The following SLC6A5 variants were observed in gnomAD, a reference collection of about 807,000 sequenced individuals.
The protein encoded by SLC6A5 is sodium- and chloride-dependent glycine transporter 2.
A neutral mutation model predicts 90.5 loss-of-function variants in SLC6A5; 58 were observed. That is an observed-to-expected ratio of 0.64 (90% CI 0.52 to 0.80). SLC6A5 has a LOEUF of 0.80. Ranked by LOEUF, SLC6A5 falls within the 30% of genes least tolerant of loss-of-function variation. The pLI, the probability that SLC6A5 is intolerant of heterozygous loss-of-function variation, is 0.00. For synonymous variants in SLC6A5, 427 were observed against 401.4 expected, an observed-to-expected ratio of 1.06 and a Z score of -0.76; for missense variants, 1,015 against 1,017.6, an observed-to-expected ratio of 1.00 and a Z score of 0.03.
At chr11:20,651,599 T>A (rs1358659236) in intron 14 of SLC6A5, among the ~76,000 whole-genome samples, 2 of 151,328 alleles carry the variant, frequency 1.3e-5, no homozygotes, top group African/African-American at 4.9e-5. Context: ...AGCAAAAGCT[T>A]GATTATTACC....
chr11:20,607,387 G>T (rs1343802883), intron 4 of SLC6A5, 92 bp from the exon 5 acceptor site: 13 of 1,422,400 alleles, frequency 9.1e-6, no homozygotes, highest in Middle Eastern at 1.8e-4. Context: ...CTGTACAAGA[G>T]AGCCTAGACC....
intron 6 of SLC6A5, among the ~76,000 whole-genome samples, chr11:20,615,339 G>A (rs1161731062): frequency 6.6e-6 from 1 of 152,088 alleles, no homozygotes; most frequent in Non-Finnish European, 1.5e-5. Flanking sequence ...ATTTAGTGAA[G>A]TTCATAAAAT....
At position 20,652,337 on chromosome 11, in the gene SLC6A5, T is replaced by A; in HGVS notation, c.2119T>A (p.Ser707Thr). 1 of 1,614,162 alleles carries A rather than the reference T, an allele frequency of 6.2e-7. No individual in the cohort carries two copies. Among genetic ancestry groups the A allele is most frequent in the Non-Finnish European group, 8.5e-7 (1 of 1,180,012 alleles). The change falls in exon 15 of 16, where the codon TCT becomes ACT. Residue 707 changes from serine (S) to threonine (T), a missense_variant. Physicochemically the swap from Ser to Thr is moderately conservative, Grantham distance 58. Around this residue, in one of 3 missense-constraint regions of SLC6A5, gnomAD observed 442 missense variants for 494.3 expected, o/e 0.89. Transcript: ENST00000525748. ...CCAGTGGGAGCCCATGACCTATGGC[T>A]CTTACCGCTATCCTAACTGGTCCAT... is the stretch of plus-strand genomic sequence containing the variant. ...FYQWEPMTYGSYRYPNWSMVL... is the reference protein window; with the variant it reads ...FYQWEPMTYGTYRYPNWSMVL...
chr11:20,648,037 C>T (rs1451354771), intron 14 of SLC6A5, among the ~76,000 whole-genome samples: 1 of 152,164 alleles, frequency 6.6e-6, no homozygotes, highest in African/African-American at 2.4e-5. Flanking sequence ...CTATAAGCTG[C>T]CAGCTTTGCC....
chr11:20,639,473 T>C (rs1026364668), intron 13 of SLC6A5, among the ~76,000 whole-genome samples: 5 of 152,164 alleles, frequency 3.3e-5, no homozygotes, highest in African/African-American at 1.2e-4. Flanking sequence ...TTATTTGGAA[T>C]GCAGGATATG....
rs1853095962 is a variant in SLC6A5 at position 20,630,822 on chromosome 11, G to A, written c.1624+7G>A. 6.2e-7 allele frequency: 1 copy of A among 1,614,124 alleles called. No homozygotes were observed. The highest frequency in any genetic ancestry group is 8.5e-7 in the Non-Finnish European group (1 of 1,179,942). ...GAGAATGTGGCAGACCAAGGTACAGGACAGTTGTTACCCTGCTGTTGCAGG... is the reference window on the plus strand; with the variant it reads ...GAGAATGTGGCAGACCAAGGTACAGAACAGTTGTTACCCTGCTGTTGCAGG... On this transcript the variant is annotated splice_region_variant and intron_variant, in intron 10 of 15. Transcript: ENST00000525748.
chr11:20,627,287 C>A (rs1024328728), intron 8 of SLC6A5, among the ~76,000 whole-genome samples: 22 of 152,320 alleles, frequency 1.4e-4, no homozygotes, highest in Admixed American at 2.0e-4. Context: ...AGGGCCAGCA[C>A]AAGCTGAACT....
intron 2 of SLC6A5, among the ~76,000 whole-genome samples, chr11:20,603,283 C>A (rs1253245289): frequency 6.6e-6 from 1 of 152,136 alleles, no homozygotes; most frequent in Non-Finnish European, 1.5e-5. Context: ...GTCTAGGTGT[C>A]CTGAACATTT....
rs1380633510 is a variant in SLC6A5 at position 20,637,181 on chromosome 11, A to G, written c.1747A>G (p.Ile583Val). ...CCTGACACGGTTCCAGTTTGCCACC[A>G]TCGAGACCATAGTGACCTCCATCTC... ...TLGLDTMFAT[I>V]ETIVTSISDE... is the part of the protein sequence containing the mutation. Residue 583 changes from isoleucine (I) to valine (V), a missense_variant, in exon 12 of 16, where the codon ATC becomes GTC. Physicochemically the swap from Ile to Val is conservative, Grantham distance 29. Around this residue, in one of 3 missense-constraint regions of SLC6A5, gnomAD observed 442 missense variants for 494.3 expected, o/e 0.89. Transcript: ENST00000525748. 2.5e-6 allele frequency: 4 copies of G among 1,613,914 alleles called. No individual in the cohort carries two copies. The highest frequency in any genetic ancestry group is 3.4e-6 in the Non-Finnish European group (4 of 1,179,960).
At chr11:20,616,420 C>A (rs753731435) in intron 6 of SLC6A5, among the ~76,000 whole-genome samples, 82 of 152,172 alleles carry the variant, frequency 5.4e-4, no homozygotes, top group Non-Finnish European at 1.1e-3. Context: ...GATTTGCAAA[C>A]CTGCTTTTGA....
intron 6 of SLC6A5, 102 bp from the exon 7 acceptor site, chr11:20,617,650 G>A: frequency 9.9e-7 from 1 of 1,014,452 alleles, no homozygotes; most frequent in South Asian, 1.3e-5. Flanking sequence ...CTGGGGTTTT[G>A]TGCAAGCCTC....
intron 10 of SLC6A5, among the ~76,000 whole-genome samples, chr11:20,633,113 C>A (rs59157407): frequency 0.029 from 4,365 of 152,142 alleles, 236 homozygotes; most frequent in African/African-American, 0.098. Context: ...AGCCATCTCG[C>A]CACCATATGC....
In SLC6A5 at chr11:20,636,395, C is replaced by T. The variant is rs192169080; in HGVS notation, c.1713C>T (p.Leu571=). The change falls in exon 11 of 16, where the codon CTC becomes CTT. Residue 571 remains leucine, a synonymous_variant. Transcript: ENST00000525748. ...GGGCCATCATCTTTTTCCTGATGCT[C>T]CTCACTCTTGGACTTGACACTATGG... ...PFWAIIFFLM[L]LTLGLDTMFA... 3.1e-6 allele frequency: 5 copies of T among 1,612,096 alleles called. No individual in the cohort carries two copies. The African/African-American group carries it at 6.7e-5, about 22-fold the overall frequency.
intron 7 of SLC6A5, among the ~76,000 whole-genome samples, chr11:20,620,604 G>A (rs1299621077): frequency 6.6e-6 from 1 of 152,140 alleles, no homozygotes; most frequent in African/African-American, 2.4e-5. Context: ...GTTGAACACT[G>A]TGTGCCAGGC....
intron 10 of SLC6A5, among the ~76,000 whole-genome samples, chr11:20,635,767 T>C (rs1294393152): frequency 6.6e-6 from 1 of 152,174 alleles, no homozygotes; most frequent in Non-Finnish European, 1.5e-5. Flanking sequence ...TAATTCTTTG[T>C]TGGCAAGAAG....
intron 13 of SLC6A5, among the ~76,000 whole-genome samples, chr11:20,639,927 T>C (rs1853280929): frequency 6.6e-6 from 1 of 152,206 alleles, no homozygotes; most frequent in African/African-American, 2.4e-5. Context: ...GCCAGCACTT[T>C]TGGCTGATAA....
rs1227461443 is a variant in SLC6A5, at chr11:20,657,769, CAG to C, written c.*2902_*2903del. The C allele has an allele frequency of 3.9e-5, 6 of 152,174 alleles. No individual in the cohort carries two copies. The highest frequency in any genetic ancestry group is 1.3e-4 in the Admixed American group (2 of 15,272). 9.4% of individuals were successfully genotyped at this position (152,174 alleles called of 1,614,324 possible). ...CAGAAAAAAAGCCATATGTGAAAAA[CAG>C]TAATCCTGTCATATCCTTAGAGGAG... On this transcript the variant is annotated 3_prime_UTR_variant, in exon 16 of 16. Coordinates refer to ENST00000525748, the MANE Select transcript of SLC6A5 (RefSeq NM_004211.5).
At chr11:20,650,611 T>C (rs1853505998) in intron 14 of SLC6A5, among the ~76,000 whole-genome samples, 1 of 150,682 alleles carries the variant, frequency 6.6e-6, no homozygotes, top group Non-Finnish European at 1.5e-5. Flanking sequence ...ATCAGCCTGC[T>C]GGTCTCCGGG....
At chr11:20,637,118 A>T in intron 11 of SLC6A5, 54 bp from the exon 12 acceptor site, 2 of 1,590,726 alleles carry the variant, frequency 1.3e-6, no homozygotes, top group Non-Finnish European at 1.7e-6. Context: ...GCTTGGGGGT[A>T]CCTCCTGGGT....
Sources: allele counts gnomAD v4.1 joint callset (sites outside exome capture counted in the v4.1 genomes callset), GRCh38; gene constraint gnomAD v4.1.1; regional missense constraint gnomAD v4.1.1; transcripts MANE v1.5; gene names NCBI Gene and HGNC (gene_info 2026-07-23, HGNC 2026-07-21).